RASAL2: variants seen among roughly 807,000 people sequenced by gnomAD.
The protein encoded by RASAL2 is RAS protein activator like 2.
RASAL2 carries 58 observed loss-of-function variants against 128.9 expected under a neutral mutation model. The observed-to-expected ratio is 0.45, with a 90% CI of 0.36 to 0.56. The LOEUF (loss-of-function observed/expected upper bound fraction) is 0.56, where lower values mean the gene tolerates loss of function less well. Ranked by LOEUF, RASAL2 falls within the 20% of genes least tolerant of loss-of-function variation. The pLI is 0.00. For synonymous variants in RASAL2, 561 were observed against 580.8 expected (o/e 0.97, Z 0.49); for missense variants, 1,360 against 1,601.6 (o/e 0.85, Z 2.57).
intron 3 of RASAL2, chr1:178,341,505 C>T (rs1371735363): frequency 6.3e-6 from 10 of 1,591,306 alleles, no homozygotes; most frequent in Middle Eastern, 1.7e-4. Flanking sequence ...AGCAGGAAAG[C>T]GAGCACAGGC....
intron 1 of RASAL2, among the ~76,000 whole-genome samples, chr1:178,123,347 T>C (rs1191268137): frequency 6.6e-6 from 1 of 152,076 alleles, no homozygotes; most frequent in Non-Finnish European, 1.5e-5. Context: ...ATTTTTGGAG[T>C]TTTAAAAGCT....
At position 178,473,403 on chromosome 1, in the gene RASAL2, C is replaced by T. The variant is rs566355279; in HGVS notation, c.*164C>T. Reference sequence around the variant, plus strand: ...GAACCTTGTCTTTCAGGGCATAAGGCGGCGACTTCCAAGGTCAATGCTTTT... The same window carrying T: ...GAACCTTGTCTTTCAGGGCATAAGGTGGCGACTTCCAAGGTCAATGCTTTT... On this transcript the variant is annotated 3_prime_UTR_variant, in exon 18 of 18. Transcript: ENST00000367649. 59 of 836,146 alleles carry T rather than the reference C, an allele frequency of 7.1e-5. No homozygotes were observed. Among genetic ancestry groups the T allele is most frequent in the Non-Finnish European group, 9.1e-5 (50 of 548,482 alleles). The allele number at this position is 836,146 out of a possible 1,614,324, so 51.8% of individuals were successfully genotyped here.
At chr1:178,346,978 T>C (rs1571900621) in intron 3 of RASAL2, among the ~76,000 whole-genome samples, 2 of 152,298 alleles carry the variant, frequency 1.3e-5, no homozygotes, top group South Asian at 4.1e-4. Context: ...GGTCAACACT[T>C]GATGACACTG....
Position 178,474,419 on chromosome 1 carries a change from C to A in RASAL2, c.*1180C>A, listed in dbSNP as rs968104862. The A allele has an allele frequency of 3.3e-5, 5 of 152,060 alleles. No homozygotes were observed. The highest frequency in any genetic ancestry group is 7.4e-5 in the Non-Finnish European group (5 of 68,008). 9.4% of individuals were successfully genotyped at this position (152,060 alleles called of 1,614,324 possible). On this transcript the variant is annotated 3_prime_UTR_variant, in exon 18 of 18. Transcript: ENST00000367649. ...TATCCCCTCAATAAAGAAAGGAAAT[C>A]CAAATTTGAAGCATCACTCTCTTAA...
intron 3 of RASAL2, among the ~76,000 whole-genome samples, chr1:178,324,412 A>G (rs1277482658): frequency 6.6e-6 from 1 of 151,596 alleles, no homozygotes; most frequent in Non-Finnish European, 1.5e-5. Flanking sequence ...CTCGATCTCT[A>G]GGAAAAAAAA....
intron 1 of RASAL2, among the ~76,000 whole-genome samples, chr1:178,250,626 G>C (rs1354356292): frequency 6.6e-6 from 1 of 152,150 alleles, no homozygotes; most frequent in Non-Finnish European, 1.5e-5. Context: ...AGTTGGAAAT[G>C]CAGAAATCAC....
At position 178,351,479 on chromosome 1, in the gene RASAL2, C is replaced by T. The variant is rs548171773; in HGVS notation, c.458-38621C>T. 2.6e-5 allele frequency among the ~76,000 whole-genome samples: 4 copies of T among 152,254 alleles called. No individual in the cohort carries two copies. The South Asian group carries it at 8.3e-4, about 32-fold the overall frequency. ...GAAAGTATAGGCATTGGGCTGTAAT[C>T]CCAGCACTTTGGGAGGCCAAGGTGG... On this transcript the variant is annotated intron_variant, in intron 3 of 17. Coordinates refer to ENST00000367649, the MANE Select transcript of RASAL2 (RefSeq NM_170692.4).
chr1:178,341,596 A>T, intron 3 of RASAL2: 2 of 1,614,050 alleles, frequency 1.2e-6, no homozygotes, highest in Non-Finnish European at 8.5e-7. Context: ...ACTTCACACG[A>T]TGCAGACCCC....
At chr1:178,125,728 T>C (rs1377067892) in intron 1 of RASAL2, among the ~76,000 whole-genome samples, 1 of 152,212 alleles carries the variant, frequency 6.6e-6, no homozygotes, top group Non-Finnish European at 1.5e-5. Context: ...GTTTAGTTAG[T>C]TATTTTTCAT....
chr1:178,196,521 A>G (rs1571615225), intron 1 of RASAL2, among the ~76,000 whole-genome samples: 1 of 152,190 alleles, frequency 6.6e-6, no homozygotes, highest in Non-Finnish European at 1.5e-5. Context: ...CTAGAAATCA[A>G]AACTTGAATT....
chr1:178,254,360 T>A (rs372181901), intron 1 of RASAL2, among the ~76,000 whole-genome samples: 4 of 152,220 alleles, frequency 2.6e-5, no homozygotes, highest in African/African-American at 9.6e-5. Context: ...TGTAATTACA[T>A]GCACAGGGTC....
intron 1 of RASAL2, among the ~76,000 whole-genome samples, chr1:178,217,448 C>A (rs1037012166): frequency 6.6e-6 from 1 of 152,144 alleles, no homozygotes; most frequent in Non-Finnish European, 1.5e-5. Context: ...ATCATCACCA[C>A]CCAAAGTTCA....
intron 14 of RASAL2, among the ~76,000 whole-genome samples, chr1:178,459,451 G>A (rs1020588761): frequency 8.9e-4 from 136 of 152,018 alleles, no homozygotes; most frequent in African/African-American, 3.2e-3. Flanking sequence ...GAAACCTAAT[G>A]ATAGTACTAA....
intron 1 of RASAL2, among the ~76,000 whole-genome samples, chr1:178,138,420 T>C (rs1660407360): frequency 6.6e-6 from 1 of 152,184 alleles, no homozygotes; most frequent in Admixed American, 6.5e-5. Flanking sequence ...AAGTACTTTT[T>C]CAGAATAGTT....
chr1:178,133,049 G>T (rs1660181238), intron 1 of RASAL2, among the ~76,000 whole-genome samples: 1 of 152,214 alleles, frequency 6.6e-6, no homozygotes, highest in African/African-American at 2.4e-5. Flanking sequence ...ACAGGCGTGA[G>T]CCACTGTGCC....
intron 1 of RASAL2, among the ~76,000 whole-genome samples, chr1:178,245,528 A>G (rs12726276): frequency 0.088 from 13,330 of 152,122 alleles, 622 homozygotes; most frequent in Middle Eastern, 0.14. Flanking sequence ...TAGGTTGCCT[A>G]TTCACTCTGA....
chr1:178,171,384 C>T (rs930687688), intron 1 of RASAL2, among the ~76,000 whole-genome samples: 1 of 151,812 alleles, frequency 6.6e-6, no homozygotes, highest in African/African-American at 2.4e-5. Flanking sequence ...ATATATATTC[C>T]GAGTAGCTTT....
chr1:178,374,169 T>A lies in RASAL2; in HGVS notation c.458-15931T>A, dbSNP rs186994892. ...ATCTGTGGATAAACAGGAATTTTAC[T>A]GAGCTCCTCCACAGGAATGAGGAAC... On this transcript the variant is annotated intron_variant, in intron 3 of 17. Coordinates refer to ENST00000367649, the MANE Select transcript of RASAL2 (RefSeq NM_170692.4). Among the ~76,000 whole-genome samples the A allele has an allele frequency of 4.6e-5, 7 of 152,272 alleles. No individual in the cohort carries two copies. In the East Asian group the frequency reaches 7.7e-4, roughly 17 times the overall value.
At chr1:178,338,659 C>G (rs1320897243) in intron 3 of RASAL2, among the ~76,000 whole-genome samples, 4 of 152,280 alleles carry the variant, frequency 2.6e-5, no homozygotes, top group South Asian at 4.1e-4. Flanking sequence ...ATAGATGTAG[C>G]CTCCGGGAGT....
Sources: gnomAD v4.1 joint callset for allele counts (sites outside exome capture counted in the v4.1 genomes callset) on GRCh38, gnomAD v4.1.1 for gene constraint, MANE v1.5 for transcripts, NCBI Gene and HGNC (gene_info 2026-07-23, HGNC 2026-07-21) for gene names.